The following ADGRV1 variants were observed in gnomAD, a reference collection of about 807,000 sequenced individuals.
ADGRV1 encodes adhesion G protein-coupled receptor V1.
Under a neutral mutation model 596.2 loss-of-function variants are expected in ADGRV1, and 359 were observed. That is an observed-to-expected ratio of 0.60 (90% CI 0.55 to 0.66). The LOEUF is 0.66. Among genes scored for constraint, ADGRV1 ranks in the 30% least tolerant of loss-of-function variants. The pLI is 0.00. For missense variants in ADGRV1, 7,274 were observed against 7,575.6 expected, an observed-to-expected ratio of 0.96 and a Z score of 1.48; for synonymous variants, 2,681 against 2,679.2, an observed-to-expected ratio of 1.00 and a Z score of -0.02.
chr5:91,117,822 A>T (rs559683215), intron 87 of ADGRV1, among the ~76,000 whole-genome samples: 1 of 152,272 alleles, frequency 6.6e-6, no homozygotes, highest in East Asian at 1.9e-4. Flanking sequence ...AAAGTTACTC[A>T]GTTTCTGTAA....
rs547500781 is a variant in ADGRV1 at position 91,143,859 on chromosome 5, G to T, written c.18433-6171G>T. On this transcript the variant is annotated intron_variant, in intron 87 of 89. Transcript: ENST00000405460. ...GGTGCCTGCAGGCCAGTGCTGAGCT[G>T]CCCTCAGCCCCCCTCAGCCTCCCTC... is the stretch of plus-strand genomic sequence containing the variant. 2.0e-5 allele frequency among the ~76,000 whole-genome samples: 3 copies of T among 152,310 alleles called. No homozygotes were observed. The East Asian group carries it at 5.8e-4, about 29-fold the overall frequency.
chr5:90,677,870 A>T (rs915621038), intron 25 of ADGRV1, among the ~76,000 whole-genome samples: 3 of 152,178 alleles, frequency 2.0e-5, no homozygotes, highest in Non-Finnish European at 1.5e-5. Flanking sequence ...ATATGTAGGG[A>T]CTGTCTAACA....
chr5:90,826,041 T>C (rs906790351), intron 76 of ADGRV1, among the ~76,000 whole-genome samples: 4 of 152,110 alleles, frequency 2.6e-5, no homozygotes, highest in Non-Finnish European at 5.9e-5. Flanking sequence ...TAAGAGGAAA[T>C]TTAAAAAGAG....
intron 89 of ADGRV1, among the ~76,000 whole-genome samples, chr5:91,156,941 C>T (rs4916703): frequency 0.73 from 110,789 of 152,136 alleles, 41,177 homozygotes; most frequent in Non-Finnish European, 0.81. Flanking sequence ...ATGAAAAATA[C>T]AGAGCTATTT....
chr5:91,107,084 C>T (rs1299430259), intron 87 of ADGRV1, among the ~76,000 whole-genome samples: 1 of 152,078 alleles, frequency 6.6e-6, no homozygotes, highest in African/African-American at 2.4e-5. Flanking sequence ...ATGATAGGCC[C>T]CACACCCAGA....
At chr5:91,149,990 T>G (rs1795896780) in intron 87 of ADGRV1, 40 bp from the exon 88 acceptor site, 1 of 1,452,530 alleles carries the variant, frequency 6.9e-7, no homozygotes, top group African/African-American at 1.5e-5. Context: ...TGATGTTCTT[T>G]TTCTTTTTCT....
At chr5:90,662,158 A>G (rs933706351) in intron 21 of ADGRV1, among the ~76,000 whole-genome samples, 2 of 151,250 alleles carry the variant, frequency 1.3e-5, no homozygotes, top group African/African-American at 4.9e-5. Flanking sequence ...CCTTTTGGCA[A>G]TATTGTTTAA....
intron 85 of ADGRV1, among the ~76,000 whole-genome samples, chr5:91,065,590 C>T (rs1035570228): frequency 1.3e-5 from 2 of 152,172 alleles, no homozygotes; most frequent in African/African-American, 4.8e-5. Context: ...CTCTCCTGGA[C>T]CCCTCTGCCT....
At chr5:90,652,301 G>A in intron 18 of ADGRV1, 45 bp from the exon 19 acceptor site, 2 of 1,344,948 alleles carry the variant, frequency 1.5e-6, no homozygotes, top group South Asian at 1.5e-5. Context: ...GCTCTCATTA[G>A]AGTAAGATTC....
At chr5:91,079,875 C>T (rs754722513) in intron 86 of ADGRV1, among the ~76,000 whole-genome samples, 6 of 152,038 alleles carry the variant, frequency 3.9e-5, no homozygotes, top group Admixed American at 2.0e-4. Flanking sequence ...GGATATGGGA[C>T]GGGGGTGAGA....
At position 90,831,272 on chromosome 5, in the gene ADGRV1, CAT is replaced by C. The variant is rs1022326208; in HGVS notation, c.16611+2094_16611+2095del. ...ACACACACACACATACGTATATATACATATATATACACACACACACACACACA... is the reference window on the plus strand; with the variant it reads ...ACACACACACACATACGTATATATACATATATACACACACACACACACACA... On this transcript the variant is annotated intron_variant, in intron 77 of 89. Coordinates refer to ENST00000405460, the MANE Select transcript of ADGRV1 (RefSeq NM_032119.4). 6.2e-4 allele frequency among the ~76,000 whole-genome samples: 93 copies of C among 149,818 alleles called. No homozygotes were observed. The East Asian group carries it at 0.014, about 23-fold the overall frequency.
intron 78 of ADGRV1, among the ~76,000 whole-genome samples, chr5:90,847,615 G>T (rs71637315): frequency 0.018 from 2,785 of 152,258 alleles, 100 homozygotes; most frequent in African/African-American, 0.064. Context: ...CCACGGTGGT[G>T]GGGGGAGGCT....
At position 90,745,281 on chromosome 5, in the gene ADGRV1, T is replaced by A. The variant is rs774202272; in HGVS notation, c.10769+16T>A. The A allele has an allele frequency of 1.2e-5, 18 of 1,495,616 alleles. No individual in the cohort carries two copies. Among genetic ancestry groups the A allele is most frequent in the Middle Eastern group, 2.0e-4 (1 of 5,102 alleles). The allele number at this position is 1,495,616 out of a possible 1,614,324, so 92.6% of individuals were successfully genotyped here. Reference sequence around the variant, plus strand: ...TTATTCCTAGGTAGGTTCAACATTTTTTGCTAAGTATCTTTATGTTCACTG... The same window carrying A: ...TTATTCCTAGGTAGGTTCAACATTTATTGCTAAGTATCTTTATGTTCACTG... On this transcript the variant is annotated intron_variant, in intron 51 of 89. Transcript: ENST00000405460.
At chr5:91,085,884 A>G (rs1481716025) in intron 86 of ADGRV1, among the ~76,000 whole-genome samples, 1 of 152,296 alleles carries the variant, frequency 6.6e-6, no homozygotes, top group South Asian at 2.1e-4. Context: ...AGTAGTTCAT[A>G]CAAGTTGCCT....
At chr5:91,031,909 A>G (rs1784512755) in intron 85 of ADGRV1, among the ~76,000 whole-genome samples, 3 of 152,226 alleles carry the variant, frequency 2.0e-5, no homozygotes, top group Admixed American at 6.5e-5. Context: ...TGAGGCAGAG[A>G]TAAGTTGTTC....
At chr5:90,796,542 A>G (rs1021480126) in intron 70 of ADGRV1, among the ~76,000 whole-genome samples, 1 of 152,360 alleles carries the variant, frequency 6.6e-6, no homozygotes, top group East Asian at 1.9e-4. Context: ...AAGTTGGAAA[A>G]CATTCTTCAG....
intron 59 of ADGRV1, 36 bp from the exon 60 acceptor site, chr5:90,774,150 A>G (rs1757973031): frequency 5.6e-6 from 7 of 1,248,012 alleles, no homozygotes; most frequent in Non-Finnish European, 8.0e-6. Flanking sequence ...GCTTTGGTCA[A>G]TCTGGAAAAT....
intron 87 of ADGRV1, among the ~76,000 whole-genome samples, chr5:91,120,851 G>T (rs1316139406): frequency 6.6e-6 from 1 of 152,190 alleles, no homozygotes; most frequent in Non-Finnish European, 1.5e-5. Context: ...AAGGGAATGA[G>T]ATGCTGTGGG....
intron 86 of ADGRV1, among the ~76,000 whole-genome samples, chr5:91,082,502 A>AT (rs949953496): frequency 7.6e-4 from 116 of 152,008 alleles, no homozygotes; most frequent in African/African-American, 2.4e-3. Flanking sequence ...AATTTTTAAA[A>AT]TTTTTTTTAC....
Sources: gnomAD v4.1 joint callset for allele counts (sites outside exome capture counted in the v4.1 genomes callset) on GRCh38, gnomAD v4.1.1 for gene constraint, MANE v1.5 for transcripts, NCBI Gene and HGNC (gene_info 2026-07-23, HGNC 2026-07-21) for gene names.